The following CORO7 variants were observed in gnomAD, a reference collection of about 807,000 sequenced individuals.
CORO7 encodes coronin 7.
Under a neutral mutation model 126.6 loss-of-function variants are expected in CORO7, and 107 were observed. The observed-to-expected ratio is 0.85, with a 90% CI of 0.72 to 0.99. The LOEUF (loss-of-function observed/expected upper bound fraction) is 0.99. Among genes scored for constraint, CORO7 ranks in the 50% least tolerant of loss-of-function variants. The probability of loss-of-function intolerance (pLI) is 0.00; values close to 1 mark genes in which losing one functional copy is unlikely to be tolerated. For synonymous variants in CORO7, 603 were observed against 536.8 expected, an observed-to-expected ratio of 1.12 and a Z score of -1.70; for missense variants, 1,314 against 1,255.8, an observed-to-expected ratio of 1.05 and a Z score of -0.70.
intron 16 of CORO7, 166 bp downstream of exon 16, chr16:4,361,818 TA>T: frequency 8.9e-7 from 1 of 1,117,362 alleles, no homozygotes; most frequent in Non-Finnish European, 1.3e-6. Context: ...AAAATGGGGA[TA>T]AAAGTGGCAG....
At chr16:4,405,328 C>A (rs988300923) in intron 6 of CORO7, 163 bp downstream of exon 6, 12 of 662,066 alleles carry the variant, frequency 1.8e-5, no homozygotes, top group Non-Finnish European at 2.5e-5. Context: ...TGTAGGTGAG[C>A]GGGGGTGTGA....
intron 3 of CORO7, 46 bp downstream of exon 3, chr16:4,412,310 G>A (rs1197401652): frequency 6.2e-7 from 1 of 1,604,762 alleles, no homozygotes. Context: ...CCTGGAGAGG[G>A]AGGTGCAAGT....
intron 9 of CORO7, among the ~76,000 whole-genome samples, chr16:4,384,647 G>A (rs1403802724): frequency 6.6e-6 from 1 of 152,240 alleles, no homozygotes; most frequent in Non-Finnish European, 1.5e-5. Context: ...AGCCACGCGA[G>A]GCTCTGGATT....
chr16:4,357,338 CTTTCT>C (rs2054007553), intron 25 of CORO7, 79 bp from the exon 26 acceptor site: 2 of 994,804 alleles, frequency 2.0e-6, no homozygotes, highest in Non-Finnish European at 2.8e-6. Flanking sequence ...GGATTTCTTT[CTTTCT>C]TTTCTTTCTT....
chr16:4,367,058 C>T (rs2054370460), intron 9 of CORO7, among the ~76,000 whole-genome samples: 1 of 152,226 alleles, frequency 6.6e-6, no homozygotes. Flanking sequence ...GTCCTGCCCA[C>T]CTCCCCTCCC....
At chr16:4,382,166 G>T in intron 9 of CORO7, 1 of 1,594,254 alleles carries the variant, frequency 6.3e-7, no homozygotes. Context: ...CACCTGGCGT[G>T]CTTGTGCCCC....
chr16:4,415,884 T>A, intron 1 of CORO7: 1 of 984,930 alleles, frequency 1.0e-6, no homozygotes, highest in Non-Finnish European at 1.2e-6. Flanking sequence ...CGTGGCAGCA[T>A]CACCGAGATA....
At position 4,357,993 on chromosome 16, in the gene CORO7, G is replaced by A. The variant is rs929449517; in HGVS notation, c.2568C>T (p.Ser856=). The A allele has an allele frequency of 2.5e-6, 4 of 1,609,524 alleles. No homozygotes were observed. In the East Asian group the frequency reaches 6.7e-5, roughly 27 times the overall value. ...QGANGQPWLL[S]LQPPDMSPVS... ...CTGGGCTCATGTCAGGAGGCTGCAG[G>A]CTGAGAAGCCAGGGCTGCCCATTAG... Residue 856 remains serine (S), a synonymous_variant, in exon 25 of 28, where the codon AGC becomes AGT. Transcript: ENST00000251166.
At position 4,362,189 on chromosome 16, in the gene CORO7, G is replaced by A. The variant is rs377188571; in HGVS notation, c.1403-29C>T. On this transcript the variant is annotated intron_variant, in intron 15 of 27. Coordinates refer to ENST00000251166, the MANE Select transcript of CORO7 (RefSeq NM_024535.5). The surrounding 1 kb of genome is among the most constrained non-coding windows in gnomAD (Gnocchi z 5.3). ...GCAGGTGGCAGGGACATGGAACCAC[G>A]TGTGAGGATGCCGTCCCCGCCCGCC... is the stretch of plus-strand genomic sequence containing the variant. The A allele has an allele frequency of 7.5e-6, 12 of 1,592,702 alleles. No homozygotes were observed. The East Asian group carries it at 9.0e-5, about 12-fold the overall frequency.
At chr16:4,381,548 C>A (rs765773670) in intron 9 of CORO7, 11 of 1,604,870 alleles carry the variant, frequency 6.9e-6, no homozygotes, top group African/African-American at 1.3e-5. Context: ...CTGGATGTGT[C>A]CGACAACCAG....
rs1479332185 is a variant in CORO7 at position 4,361,166 on chromosome 16, G to A, written c.1770C>T (p.Leu590=). Residue 590 remains leucine (L), a synonymous_variant, in exon 18 of 28, where the codon CTC becomes CTT. Transcript: ENST00000251166. Reference sequence around the variant, plus strand: ...CCATTCCTGAGCCTGCCTGACCTGTGAGCACAGTCTCTGGCGTGGTGAGCA... The same window carrying A: ...CCATTCCTGAGCCTGCCTGACCTGTAAGCACAGTCTCTGGCGTGGTGAGCA... ...EEVLTTPETV[L]TGHTEKICSL... 5.0e-6 allele frequency: 8 copies of A among 1,612,980 alleles called. No individual in the cohort carries two copies. The highest frequency in any genetic ancestry group is 2.2e-5 in the East Asian group (1 of 44,896).
intron 9 of CORO7, among the ~76,000 whole-genome samples, chr16:4,369,411 C>T (rs1424642976): frequency 6.6e-6 from 1 of 152,222 alleles, no homozygotes. Context: ...GCCGGCACCT[C>T]TCCTGCTGGA....
intron 21 of CORO7, 72 bp from the exon 22 acceptor site, chr16:4,359,693 A>G: frequency 2.0e-6 from 3 of 1,517,122 alleles, no homozygotes; most frequent in South Asian, 2.6e-5. Context: ...GAAGGCGCCC[A>G]CGTAGCCCCT....
At chr16:4,394,956 C>T (rs925746897) in intron 7 of CORO7, among the ~76,000 whole-genome samples, 2 of 152,366 alleles carry the variant, frequency 1.3e-5, no homozygotes, top group African/African-American at 4.8e-5. Flanking sequence ...TCCTCTGCAG[C>T]TGGTCTCTGC....
intron 9 of CORO7, among the ~76,000 whole-genome samples, chr16:4,368,922 C>G (rs1330455363): frequency 6.6e-6 from 1 of 152,140 alleles, no homozygotes; most frequent in South Asian, 2.1e-4. Context: ...AAGCTGAGGG[C>G]AAGTAGGATA....
At chr16:4,382,200 T>A in intron 9 of CORO7, 1 of 1,602,564 alleles carries the variant, frequency 6.2e-7, no homozygotes, top group Non-Finnish European at 8.5e-7. Flanking sequence ...GCCTGTACTG[T>A]GAGAGCCAGA....
chr16:4,406,634 T>C (rs1251269434), intron 5 of CORO7, among the ~76,000 whole-genome samples: 1 of 150,704 alleles, frequency 6.6e-6, no homozygotes, highest in African/African-American at 2.4e-5. Context: ...TGTTTTTTGT[T>C]TTTTGTTTTG....
intron 1 of CORO7, 107 bp downstream of exon 1, chr16:4,416,352 C>T (rs2056411452): frequency 2.2e-6 from 3 of 1,359,124 alleles, no homozygotes; most frequent in South Asian, 3.3e-5. Context: ...ATGGAGGTCT[C>T]GGGGTTCCAG....
intron 9 of CORO7, among the ~76,000 whole-genome samples, chr16:4,366,144 C>T (rs2054339291): frequency 1.3e-5 from 2 of 152,212 alleles, no homozygotes; most frequent in Admixed American, 1.3e-4. Flanking sequence ...GAGCCACGTG[C>T]CCGGGAGAAG....
Sources: allele counts gnomAD v4.1 joint callset (sites outside exome capture counted in the v4.1 genomes callset), GRCh38; gene constraint gnomAD v4.1.1; non-coding constraint Gnocchi (gnomAD v3.1); transcripts MANE v1.5; gene names NCBI Gene and HGNC (gene_info 2026-07-23, HGNC 2026-07-21).